Variants in SMOC1 observed in about 807,000 individuals in gnomAD.
SMOC1 encodes SPARC-related modular calcium-binding protein 1.
SMOC1 carries 22 observed loss-of-function variants against 56.3 expected under a neutral mutation model. That is an observed-to-expected ratio of 0.39 (90% confidence interval 0.28 to 0.56). SMOC1 has a LOEUF of 0.56. SMOC1 is among the 20% of genes least tolerant of loss of function. The pLI, the probability that SMOC1 is intolerant of heterozygous loss-of-function variation, is 0.61. For synonymous variants in SMOC1, 193 were observed against 215.0 expected (o/e 0.90, Z 0.89); for missense variants, 509 against 565.4 (o/e 0.90, Z 1.01).
chr14:69,948,983 C>T (rs1882895366), intron 1 of SMOC1, among the ~76,000 whole-genome samples: 1 of 152,164 alleles, frequency 6.6e-6, no homozygotes, highest in Non-Finnish European at 1.5e-5. Flanking sequence ...AACAGAAACA[C>T]CGGCCCACCT....
intron 1 of SMOC1, among the ~76,000 whole-genome samples, chr14:69,907,984 T>C (rs533693660): frequency 2.6e-4 from 39 of 152,260 alleles, no homozygotes; most frequent in Middle Eastern, 3.4e-3. Flanking sequence ...CCTAATACTA[T>C]TGGGGGTGGG....
rs553443345 is a variant in SMOC1, at chr14:70,005,605, T to G, written c.665-5149T>G. On this transcript the variant is annotated intron_variant, in intron 7 of 11. Transcript: ENST00000361956. ...TCTGAGTATTTACCATGTGCCAGAC[T>G]AGGTACTGGACAGTTTGCTTGGATG... is the stretch of plus-strand genomic sequence containing the variant. Among the ~76,000 whole-genome samples, 67 of 152,362 alleles carry G rather than the reference T, an allele frequency of 4.4e-4. No individual in the cohort carries two copies. The Middle Eastern group carries it at 0.031, about 70-fold the overall frequency.
intron 3 of SMOC1, among the ~76,000 whole-genome samples, chr14:69,963,051 C>T (rs1883441292): frequency 6.6e-6 from 1 of 152,172 alleles, no homozygotes; most frequent in African/African-American, 2.4e-5. Flanking sequence ...TCTGGAATCT[C>T]AATTCTATTC....
rs758672798 is a variant in SMOC1, at chr14:70,011,532, A to G, written c.905A>G (p.Glu302Gly). The G allele has an allele frequency of 1.2e-6, 2 of 1,611,294 alleles. No homozygotes were observed. The highest frequency in any genetic ancestry group is 8.5e-7 in the Non-Finnish European group (1 of 1,178,676). The change falls in exon 9 of 12, where the codon GAG becomes GGG. Residue 302 changes from glutamate to glycine, a missense_variant. Transcript: ENST00000361956. The stretch of plus-strand genomic sequence containing the variant: ...AGCGACGCCAGGGCCAAGACTACAG[A>G]GGCGGATGACCCCTTCAAGGACAGG... The part of the protein sequence containing the change: ...CESDARAKTT[E>G]ADDPFKDREL...
At chr14:69,954,167 T>A (rs1023880108) in intron 3 of SMOC1, among the ~76,000 whole-genome samples, 18 of 150,590 alleles carry the variant, frequency 1.2e-4, no homozygotes, top group African/African-American at 4.4e-4. Flanking sequence ...ATTTCTTTTT[T>A]CTTCTCTTTT....
intron 1 of SMOC1, among the ~76,000 whole-genome samples, chr14:69,942,343 G>A (rs774051515): frequency 9.9e-5 from 15 of 152,188 alleles, no homozygotes; most frequent in Non-Finnish European, 2.2e-4. Context: ...CTATGGGGGT[G>A]TCTGATGTGC....
chr14:69,903,217 C>A (rs1884301772), intron 1 of SMOC1, among the ~76,000 whole-genome samples: 1 of 151,830 alleles, frequency 6.6e-6, no homozygotes, highest in Admixed American at 6.6e-5. Context: ...GTGGGGAGCC[C>A]CTCTGCCCCG....
chr14:69,978,551 T>C (rs1884056899), intron 5 of SMOC1, among the ~76,000 whole-genome samples: 1 of 152,156 alleles, frequency 6.6e-6, no homozygotes, highest in Non-Finnish European at 1.5e-5. Context: ...GTCATATGAG[T>C]GTCTGCTGAA....
chr14:69,879,956 G>T (rs1485818525), intron 1 of SMOC1, among the ~76,000 whole-genome samples, 179 bp downstream of exon 1: 1 of 152,152 alleles, frequency 6.6e-6, no homozygotes, highest in Non-Finnish European at 1.5e-5. Flanking sequence ...TCCCATTGGA[G>T]CCACCACCAC....
intron 1 of SMOC1, among the ~76,000 whole-genome samples, chr14:69,893,908 G>A (rs956180562): frequency 2.0e-5 from 3 of 152,156 alleles, no homozygotes; most frequent in Non-Finnish European, 4.4e-5. Context: ...CGAATAAGAA[G>A]AAGAGATTAG....
chr14:69,960,289 GT>G lies in SMOC1; in HGVS notation c.378+6758del, dbSNP rs1883326078. On this transcript the variant is annotated intron_variant, in intron 3 of 11. Transcript: ENST00000361956. ...AGCAACAGTTTGGCTCTCTCAGACAGTGTAGAGGACCCTCTAGGTGAAGTAC... is the reference window on the plus strand; with the variant it reads ...AGCAACAGTTTGGCTCTCTCAGACAGGTAGAGGACCCTCTAGGTGAAGTAC... Among the ~76,000 whole-genome samples, 3 of 152,190 alleles carry G rather than the reference GT, an allele frequency of 2.0e-5. No homozygotes were observed. The South Asian group carries it at 6.2e-4, about 32-fold the overall frequency.
chr14:69,964,141 G>A (rs1883482513), intron 3 of SMOC1, among the ~76,000 whole-genome samples: 1 of 152,162 alleles, frequency 6.6e-6, no homozygotes, highest in African/African-American at 2.4e-5. Flanking sequence ...GCAAGGTTTG[G>A]GTGCTCCCAG....
intron 11 of SMOC1, among the ~76,000 whole-genome samples, chr14:70,026,905 G>A (rs1048228772): frequency 4.6e-5 from 7 of 151,810 alleles, no homozygotes; most frequent in African/African-American, 1.4e-4. Context: ...ATATGTCTGT[G>A]TATGTCTGTG....
chr14:69,932,852 T>G (rs559523800), intron 1 of SMOC1, among the ~76,000 whole-genome samples: 58 of 152,206 alleles, frequency 3.8e-4, no homozygotes, highest in Non-Finnish European at 7.1e-4. Context: ...CTGGCAGCAG[T>G]TCTTCTGTCA....
At chr14:69,987,139 G>A (rs1884395749) in intron 5 of SMOC1, among the ~76,000 whole-genome samples, 1 of 152,218 alleles carries the variant, frequency 6.6e-6, no homozygotes, top group African/African-American at 2.4e-5. Context: ...GGGGATGGTG[G>A]CTCTGGCATA....
chr14:70,006,735 C>G (rs564487559), intron 7 of SMOC1, among the ~76,000 whole-genome samples: 41 of 152,288 alleles, frequency 2.7e-4, no homozygotes, highest in African/African-American at 9.4e-4. Flanking sequence ...ATCAGCTGGG[C>G]TGGAATGTAC....
intron 1 of SMOC1, among the ~76,000 whole-genome samples, chr14:69,896,269 T>C (rs573509041): frequency 1.6e-4 from 24 of 152,332 alleles, no homozygotes; most frequent in African/African-American, 4.8e-4. Context: ...CTTTCTTGCC[T>C]ACCTAGAGGG....
At chr14:69,977,331 C>T (rs1232334911) in intron 4 of SMOC1, among the ~76,000 whole-genome samples, 2 of 152,212 alleles carry the variant, frequency 1.3e-5, no homozygotes, top group African/African-American at 4.8e-5. Context: ...CTTGGGCAAA[C>T]ATACCTGCTA....
intron 7 of SMOC1, among the ~76,000 whole-genome samples, chr14:69,995,215 A>G (rs1003742515): frequency 2.0e-5 from 3 of 152,226 alleles, no homozygotes; most frequent in Non-Finnish European, 4.4e-5. Flanking sequence ...TGGCAAGACT[A>G]TGAACAAAAG....
Sources: allele counts gnomAD v4.1 joint callset (sites outside exome capture counted in the v4.1 genomes callset), GRCh38; gene constraint gnomAD v4.1.1; transcripts MANE v1.5; gene names NCBI Gene and HGNC (gene_info 2026-07-23, HGNC 2026-07-21).